Variants in CHCHD6 observed in about 807,000 individuals in gnomAD.
The protein encoded by CHCHD6 is MICOS complex subunit MIC25.
A neutral mutation model predicts 32.3 loss-of-function variants in CHCHD6; 28 were observed. The observed-to-expected ratio is 0.87, with a 90% CI of 0.64 to 1.19. The LOEUF (loss-of-function observed/expected upper bound fraction) is 1.19. CHCHD6 is among the 50% of genes most tolerant of loss of function. The pLI is 0.00. For synonymous variants in CHCHD6, 122 were observed against 117.5 expected (o/e 1.04, Z -0.25); for missense variants, 333 against 307.0 (o/e 1.08, Z -0.63).
At chr3:126,727,277 C>G (rs1314927018) in intron 2 of CHCHD6, 91 bp downstream of exon 2, 1 of 827,362 alleles carries the variant, frequency 1.2e-6, no homozygotes, top group African/African-American at 1.7e-5. Context: ...GCGCACAGGG[C>G]TCAGGTTGGC....
intron 5 of CHCHD6, among the ~76,000 whole-genome samples, chr3:126,882,431 T>C (rs1269924718): frequency 6.6e-6 from 1 of 152,262 alleles, no homozygotes; most frequent in Non-Finnish European, 1.5e-5. Flanking sequence ...ACAGAAGTCC[T>C]GGTTCTCCGC....
intron 6 of CHCHD6, among the ~76,000 whole-genome samples, chr3:126,950,765 T>G (rs1224407588): frequency 6.6e-6 from 1 of 151,426 alleles, no homozygotes; most frequent in Non-Finnish European, 1.5e-5. Flanking sequence ...AGGATTTTCA[T>G]GGATGGGAAA....
At chr3:126,780,623 T>TG (rs1482056834) in intron 4 of CHCHD6, among the ~76,000 whole-genome samples, 4 of 152,240 alleles carry the variant, frequency 2.6e-5, no homozygotes, top group Admixed American at 1.3e-4. Context: ...TGTCTAGACT[T>TG]GCAGTGGCCT....
chr3:126,932,893 C>T (rs949203760), intron 6 of CHCHD6, among the ~76,000 whole-genome samples: 3 of 152,130 alleles, frequency 2.0e-5, no homozygotes, highest in African/African-American at 2.4e-5. Flanking sequence ...CCCTGGCTGC[C>T]GCTGGGCTGA....
intron 2 of CHCHD6, among the ~76,000 whole-genome samples, chr3:126,728,100 C>T (rs967388399): frequency 5.3e-5 from 8 of 152,178 alleles, no homozygotes; most frequent in Non-Finnish European, 1.2e-4. Context: ...CTTTTCTACT[C>T]ATCTTCCCTG....
At chr3:126,843,105 A>T (rs1941165692) in intron 4 of CHCHD6, among the ~76,000 whole-genome samples, 1 of 152,006 alleles carries the variant, frequency 6.6e-6, no homozygotes, top group South Asian at 2.1e-4. Flanking sequence ...TTCTATTACT[A>T]GTTTTCTAAA....
chr3:126,707,876 T>C (rs1479284692), intron 1 of CHCHD6, among the ~76,000 whole-genome samples: 1 of 152,244 alleles, frequency 6.6e-6, no homozygotes, highest in Non-Finnish European at 1.5e-5. Context: ...CCTCAGTGAA[T>C]GTCCACTGCC....
intron 6 of CHCHD6, among the ~76,000 whole-genome samples, chr3:126,929,775 A>C (rs2078377461): frequency 6.6e-6 from 1 of 152,160 alleles, no homozygotes. Context: ...CATTTTGGCC[A>C]GGCCGGTCTC....
At chr3:126,944,130 A>G (rs2078601319) in intron 6 of CHCHD6, among the ~76,000 whole-genome samples, 1 of 152,234 alleles carries the variant, frequency 6.6e-6, no homozygotes, top group Non-Finnish European at 1.5e-5. Flanking sequence ...CAGAATTTCC[A>G]CACACCTGGC....
rs191699283 is a variant in CHCHD6 at position 126,754,247 on chromosome 3, C to G, written c.411+21025C>G. Reference sequence around the variant, plus strand: ...GTCTCTGGGCATCACTTTCCCCATCCGTAATACAGGGACAGCAATATTGAC... The same window carrying G: ...GTCTCTGGGCATCACTTTCCCCATCGGTAATACAGGGACAGCAATATTGAC... On this transcript the variant is annotated intron_variant, in intron 4 of 7. Transcript: ENST00000290913. 2.5e-4 allele frequency among the ~76,000 whole-genome samples: 38 copies of G among 152,280 alleles called. No homozygotes were observed. The East Asian group carries it at 6.4e-3, about 25-fold the overall frequency.
At chr3:126,870,894 T>C (rs1420327337) in intron 5 of CHCHD6, among the ~76,000 whole-genome samples, 1 of 152,226 alleles carries the variant, frequency 6.6e-6, no homozygotes, top group Admixed American at 6.5e-5. Flanking sequence ...AGCATCTGCC[T>C]TATCTCCCCT....
At chr3:126,754,569 T>C (rs1415161288) in intron 4 of CHCHD6, among the ~76,000 whole-genome samples, 1 of 152,216 alleles carries the variant, frequency 6.6e-6, no homozygotes, top group Non-Finnish European at 1.5e-5. Flanking sequence ...GGCGAGCATG[T>C]CCAGGAACAT....
intron 5 of CHCHD6, among the ~76,000 whole-genome samples, chr3:126,863,482 A>T (rs1224353923): frequency 7.4e-6 from 1 of 134,330 alleles, no homozygotes; most frequent in Admixed American, 7.4e-5. Flanking sequence ...CACCACCATC[A>T]CCACCTCCTC....
At chr3:126,825,052 G>C (rs1214804019) in intron 4 of CHCHD6, among the ~76,000 whole-genome samples, 1 of 151,954 alleles carries the variant, frequency 6.6e-6, no homozygotes, top group Non-Finnish European at 1.5e-5. Context: ...AGTCTTTTAA[G>C]GCTATAATTT....
intron 6 of CHCHD6, among the ~76,000 whole-genome samples, chr3:126,927,977 GATGCCCC>G (rs1199175469): frequency 7.9e-5 from 12 of 152,374 alleles, no homozygotes; most frequent in South Asian, 2.1e-4. Context: ...ACCCCTGCAA[GATGCCCC>G]ATGTGGTGTG....
intron 6 of CHCHD6, among the ~76,000 whole-genome samples, chr3:126,950,312 T>G (rs529341296): frequency 6.6e-6 from 1 of 151,608 alleles, no homozygotes; most frequent in Non-Finnish European, 1.5e-5. Flanking sequence ...AAGTGTAGTT[T>G]ACAGGAGCTT....
intron 6 of CHCHD6, among the ~76,000 whole-genome samples, chr3:126,923,437 T>C (rs2078281101): frequency 6.6e-6 from 1 of 152,256 alleles, no homozygotes. Flanking sequence ...CCTTGAGAGA[T>C]GCTCACCAAG....
At chr3:126,806,700 A>G (rs1264971567) in intron 4 of CHCHD6, among the ~76,000 whole-genome samples, 1 of 152,176 alleles carries the variant, frequency 6.6e-6, no homozygotes, top group Non-Finnish European at 1.5e-5. Flanking sequence ...ATTACTGGGT[A>G]TATACCCAAA....
intron 5 of CHCHD6, among the ~76,000 whole-genome samples, chr3:126,853,388 G>T (rs1941545861): frequency 1.3e-5 from 2 of 152,090 alleles, no homozygotes; most frequent in Non-Finnish European, 2.9e-5. Flanking sequence ...GGATGGTTGG[G>T]AGGTTAAAAA....
Sources: gnomAD v4.1 joint callset for allele counts (sites outside exome capture counted in the v4.1 genomes callset) on GRCh38, gnomAD v4.1.1 for gene constraint, MANE v1.5 for transcripts, NCBI Gene and HGNC (gene_info 2026-07-23, HGNC 2026-07-21) for gene names.